The following MYO1B variants were observed in gnomAD, a reference collection of about 807,000 sequenced individuals.
MYO1B encodes myosin IB.
Under a neutral mutation model 159.7 loss-of-function variants are expected in MYO1B, and 72 were observed. That is an observed-to-expected ratio of 0.45 (90% CI 0.37 to 0.55). The LOEUF is 0.55. Ranked by LOEUF, MYO1B falls within the 20% of genes least tolerant of loss-of-function variation. The pLI is 0.00. For synonymous variants in MYO1B, 468 were observed against 473.8 expected, an observed-to-expected ratio of 0.99 and a Z score of 0.16; for missense variants, 1,062 against 1,364.8, an observed-to-expected ratio of 0.78 and a Z score of 3.50.
chr2:191,397,837 C>T (rs557880038), intron 21 of MYO1B, among the ~76,000 whole-genome samples: 18 of 145,492 alleles, frequency 1.2e-4, no homozygotes, highest in Non-Finnish European at 2.6e-4. Flanking sequence ...CACCCCACCA[C>T]CCTCCCAGAC....
At chr2:191,286,659 G>A (rs1039998353) in intron 2 of MYO1B, among the ~76,000 whole-genome samples, 55 of 152,248 alleles carry the variant, frequency 3.6e-4, no homozygotes, top group Non-Finnish European at 7.2e-4. Flanking sequence ...TGGGTTGGGT[G>A]CCGTGGCTAA....
chr2:191,398,309 C>G (rs1337192659), intron 21 of MYO1B, among the ~76,000 whole-genome samples: 3 of 121,112 alleles, frequency 2.5e-5, no homozygotes, highest in African/African-American at 8.8e-5. Context: ...CCCCCACCTC[C>G]CTCCTGGGCT....
At chr2:191,269,697 G>A (rs572095059) in intron 1 of MYO1B, among the ~76,000 whole-genome samples, 1 of 152,116 alleles carries the variant, frequency 6.6e-6, no homozygotes, top group Non-Finnish European at 1.5e-5. Context: ...AAAAGGAAAG[G>A]GCTGGCAAGG....
chr2:191,409,254 A>C (rs1697115995), intron 26 of MYO1B, 76 bp downstream of exon 26: 1 of 1,437,706 alleles, frequency 7.0e-7, no homozygotes, highest in Non-Finnish European at 9.6e-7. Context: ...TAAAATCAAA[A>C]CTGTTAACAC....
chr2:191,404,171 A>G (rs1005177315), intron 24 of MYO1B, among the ~76,000 whole-genome samples: 4 of 152,134 alleles, frequency 2.6e-5, no homozygotes, highest in Non-Finnish European at 4.4e-5. Flanking sequence ...TGCCCTCTCA[A>G]ATGATTGACT....
At chr2:191,397,124 ATTTCTTTTTTTTTTTT>A (rs1696137599) in intron 21 of MYO1B, among the ~76,000 whole-genome samples, 1 of 6,988 alleles carries the variant, frequency 1.4e-4, no homozygotes, top group African/African-American at 2.9e-4. Context: ...AAAGAAGATG[ATTTCTTTTTTTTTTTT>A]TTTTTTTTTT....
chr2:191,411,149 C>A lies in MYO1B; in HGVS notation c.2850C>A (p.Asp950Glu), dbSNP rs765147715. ...TAGAAGCCAGTGAACTCTTCAAAGA[C>A]AAGAAGGCTTTATACCCATCTAGGT... is the stretch of plus-strand genomic sequence containing the variant. ...EKLEASELFK[D>E]KKALYPSSVG... is the part of the protein sequence containing the mutation. Residue 950 changes from aspartate to glutamate, a missense_variant, in exon 27 of 31, where the codon GAC becomes GAA. This residue lies in a region of MYO1B where 609 missense variants were observed against 744.4 expected (regional missense o/e 0.82). Coordinates refer to ENST00000392318, the MANE Select transcript of MYO1B (RefSeq NM_001130158.3). 6.2e-7 allele frequency: 1 copy of A among 1,608,098 alleles called. No individual in the cohort carries two copies. Among genetic ancestry groups the A allele is most frequent in the East Asian group, 2.2e-5 (1 of 44,654 alleles).
chr2:191,308,534 G>A (rs891899102), intron 3 of MYO1B, among the ~76,000 whole-genome samples: 1 of 152,082 alleles, frequency 6.6e-6, no homozygotes, highest in Non-Finnish European at 1.5e-5. Flanking sequence ...CATTTCCCCT[G>A]TCTACTGCCT....
At chr2:191,362,521 T>C (rs2126014705) in intron 9 of MYO1B, 150 bp downstream of exon 9, 2 of 515,304 alleles carry the variant, frequency 3.9e-6, no homozygotes, top group East Asian at 6.4e-5. Context: ...GTTACTTTGA[T>C]TTTTTTACTA....
chr2:191,405,921 C>G (rs1331798674), intron 24 of MYO1B, among the ~76,000 whole-genome samples: 1 of 152,228 alleles, frequency 6.6e-6, no homozygotes, highest in South Asian at 2.1e-4. Context: ...GAGAATCAAC[C>G]TGTCCTTTGA....
At chr2:191,249,126 T>C (rs1426197801) in intron 1 of MYO1B, among the ~76,000 whole-genome samples, 2 of 152,256 alleles carry the variant, frequency 1.3e-5, no homozygotes, top group Non-Finnish European at 2.9e-5. Context: ...CTTTTATGTT[T>C]ATTGAAATCC....
chr2:191,391,060 A>G (rs59708125), intron 18 of MYO1B, among the ~76,000 whole-genome samples: 2,403 of 152,364 alleles, frequency 0.016, 61 homozygotes, highest in African/African-American at 0.054. Context: ...AGTGCTGGAC[A>G]CCGCAGGCCC....
At chr2:191,347,235 A>G (rs1292963776) in intron 6 of MYO1B, among the ~76,000 whole-genome samples, 2 of 151,992 alleles carry the variant, frequency 1.3e-5, no homozygotes, top group Non-Finnish European at 2.9e-5. Flanking sequence ...ACTTCAAGGG[A>G]GATAGTTTTG....
Position 191,400,815 on chromosome 2 carries a change from G to T in MYO1B, c.2449G>T (p.Ala817Ser). ...RNKHAIAVIW[A>S]YWLGSKARRE... ...TAAACATGCTATTGCAGTTATTTGG[G>T]CTTACTGGCTTGGATCTAAGGTACT... The change falls in exon 23 of 31, where the codon GCT (alanine) becomes TCT (serine). Residue 817 changes from alanine (A) to serine (S), a missense_variant. By Grantham distance (99) the Ala-to-Ser change is moderately conservative. Transcript: ENST00000392318. 1.9e-6 allele frequency: 3 copies of T among 1,613,950 alleles called. No individual in the cohort carries two copies. Among genetic ancestry groups the T allele is most frequent in the Non-Finnish European group, 2.5e-6 (3 of 1,179,874 alleles).
At chr2:191,375,619 G>A (rs1376614501) in intron 13 of MYO1B, among the ~76,000 whole-genome samples, 1 of 152,030 alleles carries the variant, frequency 6.6e-6, no homozygotes, top group Non-Finnish European at 1.5e-5. Context: ...ATATTTTATG[G>A]ATATGCTGTA....
chr2:191,396,606 T>C, intron 21 of MYO1B, 109 bp downstream of exon 21: 1 of 1,045,958 alleles, frequency 9.6e-7, no homozygotes, highest in African/African-American at 1.6e-5. Context: ...GTCTCCTGCC[T>C]CGCCTGTAAA....
chr2:191,309,015 G>A (rs1027554999), intron 3 of MYO1B, among the ~76,000 whole-genome samples: 5 of 152,150 alleles, frequency 3.3e-5, no homozygotes, highest in African/African-American at 9.7e-5. Flanking sequence ...ATTTAGATGA[G>A]CCTACGTGGG....
chr2:191,360,320 C>T (rs967864738), intron 7 of MYO1B, among the ~76,000 whole-genome samples: 3 of 152,170 alleles, frequency 2.0e-5, no homozygotes, highest in Admixed American at 6.5e-5. Context: ...TTTGTAACGT[C>T]ACATTTTCAG....
Position 191,295,854 on chromosome 2 carries a change from G to A in MYO1B, c.136-257G>A, listed in dbSNP as rs553878022. ...CTTTGGAGAACTCTTACCGAGAACC[G>A]TAAATTAGTTCAGAGATATACTTTG... On this transcript the variant is annotated intron_variant, in intron 2 of 30. Coordinates refer to ENST00000392318, the MANE Select transcript of MYO1B (RefSeq NM_001130158.3). 5.3e-5 allele frequency among the ~76,000 whole-genome samples: 8 copies of A among 152,054 alleles called. No homozygotes were observed. The East Asian group carries it at 9.6e-4, about 18-fold the overall frequency.
Sources: gnomAD v4.1 joint callset for allele counts (sites outside exome capture counted in the v4.1 genomes callset) on GRCh38, gnomAD v4.1.1 for gene constraint, gnomAD v4.1.1 regional missense constraint, MANE v1.5 for transcripts, NCBI Gene and HGNC (gene_info 2026-07-23, HGNC 2026-07-21) for gene names.